The following GNAO1 variants were observed in gnomAD, a reference collection of about 807,000 sequenced individuals.
GNAO1 encodes the protein G protein subunit alpha o1.
For synonymous variants in GNAO1, 164 were observed against 180.7 expected (o/e 0.91, Z 0.74); for missense variants, 166 against 478.7 (o/e 0.35, Z 6.10).
chr16:56,308,754 G>A (rs529950694), intron 3 of GNAO1, among the ~76,000 whole-genome samples: 85 of 152,280 alleles, frequency 5.6e-4, no homozygotes, highest in African/African-American at 1.7e-3. Context: ...GGGGCTGGGC[G>A]CCCAGAGAAG....
At chr16:56,207,862 G>C (rs972109957) in intron 2 of GNAO1, among the ~76,000 whole-genome samples, 3 of 152,156 alleles carry the variant, frequency 2.0e-5, no homozygotes, top group Admixed American at 2.0e-4. Context: ...AATCTTATAT[G>C]TTTTACAGAT....
chr16:56,299,374 G>A (rs189457386), intron 3 of GNAO1, among the ~76,000 whole-genome samples: 159 of 152,340 alleles, frequency 1.0e-3, no homozygotes, highest in African/African-American at 3.8e-3. Context: ...TGCTTCCTCC[G>A]ATCTGCTGCG....
chr16:56,275,840 C>A, intron 2 of GNAO1, 91 bp from the exon 3 acceptor site: 1 of 1,138,260 alleles, frequency 8.8e-7, no homozygotes, highest in Admixed American at 2.8e-5. Context: ...TGGACCTGGC[C>A]CACAGTCAGC....
At position 56,356,585 on chromosome 16, in the gene GNAO1, G is replaced by C. The variant is rs897328750; in HGVS notation, c.*511G>C. 3.3e-5 allele frequency: 5 copies of C among 152,764 alleles called. No homozygotes were observed. The highest frequency in any genetic ancestry group is 7.2e-5 in the African/African-American group (3 of 41,414). 9.5% of individuals were successfully genotyped at this position (152,764 alleles called of 1,614,324 possible). ...TGCCGGCCGCCCAGACACCACAGAC[G>C]CCACCTGGCGGCCCTAAGCCACTCC... On this transcript the variant is annotated 3_prime_UTR_variant, in exon 9 of 9. Coordinates refer to ENST00000262493, the MANE Select transcript of GNAO1 (RefSeq NM_020988.3).
chr16:56,191,956 G>C lies in GNAO1; in HGVS notation c.-280G>C. ...GTCCGCGCCTCCTCGGCCCGCGGGC[G>C]CCTCCTCCCTTGGCTCCGGAGCCCC... On this transcript the variant is annotated 5_prime_UTR_variant, in exon 1 of 9. Transcript: ENST00000262493. The surrounding 1 kb of genome is among the most constrained non-coding windows in gnomAD (Gnocchi z 4.7). 2.0e-6 allele frequency: 1 copy of C among 492,046 alleles called. No homozygotes were observed. Among genetic ancestry groups the C allele is most frequent in the African/African-American group, 1.9e-5 (1 of 51,462 alleles). 30.5% of individuals were successfully genotyped at this position (492,046 alleles called of 1,614,324 possible). A position where few individuals can be genotyped will look rare whatever the true frequency, so the allele number is the denominator to read the frequency against.
At chr16:56,270,606 C>CAG (rs2037007275) in intron 2 of GNAO1, 1 of 152,076 alleles carries the variant, frequency 6.6e-6, no homozygotes, top group African/African-American at 2.4e-5. Context: ...GGGAAGAAAG[C>CAG]AGAGATAGGT....
intron 3 of GNAO1, among the ~76,000 whole-genome samples, chr16:56,278,710 G>A (rs1434108288): frequency 6.6e-6 from 1 of 152,160 alleles, no homozygotes; most frequent in Non-Finnish European, 1.5e-5. Flanking sequence ...AACAAAATAA[G>A]GTGATGTGAG....
Position 56,326,614 on chromosome 16 carries a change from A to G in GNAO1, c.304-2017A>G, listed in dbSNP as rs1596866401. Reference sequence around the variant, plus strand: ...GCTGCTGGGGCTCCATCCCATGGGGATCCTGTCTGAATGTGTAGCTTGTCT... The same window carrying G: ...GCTGCTGGGGCTCCATCCCATGGGGGTCCTGTCTGAATGTGTAGCTTGTCT... On this transcript the variant is annotated intron_variant, in intron 3 of 8. Transcript: ENST00000262493. The surrounding 1 kb of genome is among the most constrained non-coding windows in gnomAD (Gnocchi z 4.8). Among the ~76,000 whole-genome samples the G allele has an allele frequency of 6.6e-6, 1 of 152,174 alleles. No homozygotes were observed. Among genetic ancestry groups the G allele is most frequent in the African/African-American group, 2.4e-5 (1 of 41,442 alleles).
intron 6 of GNAO1, among the ~76,000 whole-genome samples, chr16:56,340,044 C>T (rs1218521895): frequency 6.6e-6 from 1 of 152,234 alleles, no homozygotes; most frequent in Non-Finnish European, 1.5e-5. Flanking sequence ...CCTGTGAGCC[C>T]GCACCGGGCT....
At chr16:56,247,301 G>A (rs1309206759) in intron 2 of GNAO1, among the ~76,000 whole-genome samples, 1 of 152,172 alleles carries the variant, frequency 6.6e-6, no homozygotes, top group Admixed American at 6.5e-5. Flanking sequence ...CATGTCCCAT[G>A]TCTCTGCCTG....
At position 56,311,547 on chromosome 16, in the gene GNAO1, G is replaced by A. The variant is rs1287402170; in HGVS notation, c.304-17084G>A. 6.6e-6 allele frequency among the ~76,000 whole-genome samples: 1 copy of A among 152,182 alleles called. No homozygotes were observed. The highest frequency in any genetic ancestry group is 1.5e-5 in the Non-Finnish European group (1 of 68,004). ...CAGACCTCAGAGAAAAACTGTTGGG[G>A]TGATGGCGCCTTGGCTGGAGCAGGC... On this transcript the variant is annotated intron_variant, in intron 3 of 8. Coordinates refer to ENST00000262493, the MANE Select transcript of GNAO1 (RefSeq NM_020988.3). This position sits in a 1 kb window ranked among gnomAD's most constrained non-coding sequence, Gnocchi z 5.2.
intron 2 of GNAO1, among the ~76,000 whole-genome samples, chr16:56,266,277 T>G (rs1430819716): frequency 6.6e-6 from 1 of 151,962 alleles, no homozygotes; most frequent in Non-Finnish European, 1.5e-5. Flanking sequence ...ATGCCGTCAG[T>G]GGGGGGATTG....
chr16:56,230,521 A>G (rs548971579), intron 2 of GNAO1, among the ~76,000 whole-genome samples: 72 of 152,278 alleles, frequency 4.7e-4, no homozygotes, highest in Admixed American at 8.5e-4. Flanking sequence ...GACAGAGAGT[A>G]TGAAATATCC....
chr16:56,268,815 T>C (rs1197321363), intron 2 of GNAO1, among the ~76,000 whole-genome samples: 1 of 152,162 alleles, frequency 6.6e-6, no homozygotes, highest in East Asian at 1.9e-4. Context: ...GCATTTTCAC[T>C]TTACCGTCCT....
intron 6 of GNAO1, among the ~76,000 whole-genome samples, chr16:56,341,859 G>A (rs1367453151): frequency 6.6e-6 from 1 of 152,210 alleles, no homozygotes; most frequent in Non-Finnish European, 1.5e-5. Flanking sequence ...AGAGAAGTGA[G>A]TGGGAGGAGA....
intron 3 of GNAO1, among the ~76,000 whole-genome samples, chr16:56,305,155 G>A (rs544025967): frequency 3.9e-5 from 6 of 152,332 alleles, no homozygotes; most frequent in African/African-American, 1.4e-4. Context: ...GACCTTGCAA[G>A]GATGAGGAGA....
chr16:56,227,742 C>G (rs546788908), intron 2 of GNAO1, among the ~76,000 whole-genome samples: 1 of 137,986 alleles, frequency 7.2e-6, no homozygotes, highest in African/African-American at 2.6e-5. Context: ...TCTATACATA[C>G]TAAAGCAATC....
intron 2 of GNAO1, among the ~76,000 whole-genome samples, chr16:56,232,568 G>A (rs62036914): frequency 0.014 from 2,188 of 152,278 alleles, 18 homozygotes; most frequent in Middle Eastern, 0.051. Context: ...GTGTAATTCA[G>A]TTTCCCACAC....
At chr16:56,317,541 G>A (rs956580562) in intron 3 of GNAO1, among the ~76,000 whole-genome samples, 23 of 152,314 alleles carry the variant, frequency 1.5e-4, no homozygotes, top group African/African-American at 4.3e-4. Context: ...GAGTGGATGA[G>A]TAACTAAGGG....
Sources: gnomAD v4.1 joint callset for allele counts (sites outside exome capture counted in the v4.1 genomes callset) on GRCh38, gnomAD v4.1.1 for gene constraint, Gnocchi (gnomAD v3.1) non-coding constraint, MANE v1.5 for transcripts, NCBI Gene and HGNC (gene_info 2026-07-23, HGNC 2026-07-21) for gene names.